The following ASXL2 variants were observed in gnomAD, a reference collection of about 807,000 sequenced individuals.
ASXL2 encodes putative Polycomb group protein ASXL2.
Under a neutral mutation model 122.0 loss-of-function variants are expected in ASXL2, and 23 were observed. The observed-to-expected ratio is 0.19, with a 90% CI of 0.14 to 0.27. The LOEUF (loss-of-function observed/expected upper bound fraction) is 0.27, where lower values mean the gene tolerates loss of function less well. Ranked by LOEUF, ASXL2 falls within the 10% of genes least tolerant of loss-of-function variation. The probability of loss-of-function intolerance (pLI) is 1.00; values close to 1 mark genes in which losing one functional copy is unlikely to be tolerated. For missense variants in ASXL2, 1,518 were observed against 1,713.8 expected, an observed-to-expected ratio of 0.89 and a Z score of 2.02; for synonymous variants, 650 against 637.0, an observed-to-expected ratio of 1.02 and a Z score of -0.31.
chr2:25,792,627 G>C (rs192388540), intron 5 of ASXL2, among the ~76,000 whole-genome samples: 47 of 151,776 alleles, frequency 3.1e-4, no homozygotes, highest in Admixed American at 9.8e-4. Context: ...TCTTGAAACA[G>C]TGTCTCACTT....
At chr2:25,781,670 C>CTTT (rs34167762) in intron 5 of ASXL2, among the ~76,000 whole-genome samples, 2,932 of 121,676 alleles carry the variant, frequency 0.024, 150 homozygotes, top group African/African-American at 0.076. Flanking sequence ...ACACACCTGG[C>CTTT]TTTTTTTTTT....
intron 5 of ASXL2, among the ~76,000 whole-genome samples, chr2:25,776,399 T>C (rs995729972): frequency 1.2e-4 from 18 of 152,240 alleles, no homozygotes; most frequent in African/African-American, 4.1e-4. Context: ...GTTTTGTCTA[T>C]AGATCAGCTG....
intron 2 of ASXL2, among the ~76,000 whole-genome samples, chr2:25,842,703 T>TAGAG (rs370955065): frequency 6.7e-6 from 1 of 150,174 alleles, no homozygotes; most frequent in Non-Finnish European, 1.5e-5. Context: ...TATATATATA[T>TAGAG]ATAGATAGAT....
intron 4 of ASXL2, among the ~76,000 whole-genome samples, chr2:25,804,455 A>AT (rs1355209276): frequency 6.6e-6 from 1 of 152,248 alleles, no homozygotes; most frequent in Non-Finnish European, 1.5e-5. Flanking sequence ...GAATAAAGTC[A>AT]GAGGCTCCTG....
chr2:25,781,542 T>A (rs915516013), intron 5 of ASXL2, among the ~76,000 whole-genome samples: 8 of 151,794 alleles, frequency 5.3e-5, no homozygotes, highest in Non-Finnish European at 1.2e-4. Flanking sequence ...TCTATTTATT[T>A]ACAATCTCAA....
At position 25,740,797 on chromosome 2, in the gene ASXL2, A is replaced by G. The variant is rs997160734; in HGVS notation, c.*1232T>C. The G allele has an allele frequency of 5.0e-6, 1 of 198,424 alleles. No homozygotes were observed. Among genetic ancestry groups the G allele is most frequent in the East Asian group, 7.9e-5 (1 of 12,616 alleles). The allele number at this position is 198,424 out of a possible 1,614,324, so 12.3% of individuals were successfully genotyped here. On this transcript the variant is annotated 3_prime_UTR_variant, in exon 13 of 13. Transcript: ENST00000435504. ...TCCAAACAAGGGCTATATTTTCTAAAACAGGAAAAATGTCTTGTATTGTGT... is the reference window on the plus strand; with the variant it reads ...TCCAAACAAGGGCTATATTTTCTAAGACAGGAAAAATGTCTTGTATTGTGT...
At chr2:25,768,457 C>T (rs2088390096) in intron 7 of ASXL2, among the ~76,000 whole-genome samples, 1 of 152,124 alleles carries the variant, frequency 6.6e-6, no homozygotes, top group African/African-American at 2.4e-5. Context: ...GTGTGCCCCA[C>T]CACACCCGGC....
chr2:25,810,843 T>A (rs763015001), intron 3 of ASXL2, among the ~76,000 whole-genome samples: 1 of 152,112 alleles, frequency 6.6e-6, no homozygotes, highest in South Asian at 2.1e-4. Flanking sequence ...GAATATCTCA[T>A]ACATCTGGGG....
intron 5 of ASXL2, among the ~76,000 whole-genome samples, chr2:25,795,617 A>G (rs1167187810): frequency 1.3e-5 from 2 of 152,164 alleles, no homozygotes; most frequent in Non-Finnish European, 1.5e-5. Context: ...ACTTTCTTTA[A>G]TATTGATTTC....
chr2:25,743,661 G>C lies in ASXL2; in HGVS notation c.2676C>G (p.Thr892=). ...VTPSPLTSLL[T]TATLEKLPVP... ...CAGGAAGCTTTTCTAAAGTGGCTGT[G>C]GTCAATAAAGATGTTAAAGGGGAGG... The change falls in exon 13 of 13, where the codon ACC becomes ACG. Residue 892 remains threonine (T), a synonymous_variant. Coordinates refer to ENST00000435504, the MANE Select transcript of ASXL2 (RefSeq NM_018263.6). 1 of 1,613,948 alleles carries C rather than the reference G, an allele frequency of 6.2e-7. No individual in the cohort carries two copies. The highest frequency in any genetic ancestry group is 2.2e-5 in the East Asian group (1 of 44,876).
chr2:25,767,688 T>G lies in ASXL2; in HGVS notation c.670A>C (p.Ser224Arg). The G allele has an allele frequency of 6.2e-7, 1 of 1,613,962 alleles. No individual in the cohort carries two copies. The highest frequency in any genetic ancestry group is 8.5e-7 in the Non-Finnish European group (1 of 1,179,860). ...AAGCTGGAGTTTGAGTTTTGAGGGC[T>G]GCCTGTCTGTCCATCAGATTGCTTT... Reference protein sequence around the residue: ...EGKQSDGQTGSPQNSNSSFSS... With the variant: ...EGKQSDGQTGRPQNSNSSFSS... The change falls in exon 8 of 13, where the codon AGC becomes CGC. Residue 224 changes from serine (S) to arginine (R), a missense_variant. Physicochemically the swap from Ser to Arg is moderately radical, Grantham distance 110. This residue lies in a region of ASXL2 where 198 missense variants were observed against 209.0 expected (regional missense o/e 0.95). Transcript: ENST00000435504.
intron 5 of ASXL2, among the ~76,000 whole-genome samples, chr2:25,779,523 A>G (rs1240374319): frequency 6.6e-6 from 1 of 152,198 alleles, no homozygotes; most frequent in Non-Finnish European, 1.5e-5. Context: ...AATTATTGAA[A>G]TTAAGACTAC....
At chr2:25,770,520 C>T (rs987052388) in intron 6 of ASXL2, among the ~76,000 whole-genome samples, 4 of 151,972 alleles carry the variant, frequency 2.6e-5, no homozygotes, top group African/African-American at 7.2e-5. Context: ...TTTGGAAGGT[C>T]GAGGCAGTTG....
intron 3 of ASXL2, among the ~76,000 whole-genome samples, chr2:25,812,527 T>C (rs192378089): frequency 3.3e-5 from 5 of 152,184 alleles, no homozygotes; most frequent in East Asian, 1.9e-4. Context: ...TATGGGCAAA[T>C]AGGCACTCTT....
intron 2 of ASXL2, 65 bp downstream of exon 2, chr2:25,845,416 T>C: frequency 7.5e-7 from 1 of 1,340,490 alleles, no homozygotes; most frequent in Non-Finnish European, 1.0e-6. Context: ...AAGTATACTA[T>C]TATATACTAC....
intron 3 of ASXL2, 87 bp downstream of exon 3, chr2:25,835,451 T>C: frequency 4.9e-6 from 1 of 204,284 alleles, no homozygotes; most frequent in African/African-American, 2.4e-5. Context: ...GTAAAACTCA[T>C]GCATCCAAAG....
intron 1 of ASXL2, 129 bp downstream of exon 1, chr2:25,878,037 C>A: frequency 2.6e-6 from 3 of 1,168,082 alleles, no homozygotes; most frequent in Non-Finnish European, 3.8e-6. Context: ...CACTAACCGC[C>A]GCCCTCTCCG....
intron 1 of ASXL2, 124 bp from the exon 2 acceptor site, chr2:25,845,687 T>C (rs1355142264): frequency 2.9e-6 from 1 of 341,690 alleles, no homozygotes; most frequent in East Asian, 5.6e-5. Flanking sequence ...TACTAATACA[T>C]ATGCAATTGT....
At chr2:25,838,023 T>C (rs1408887702) in intron 2 of ASXL2, among the ~76,000 whole-genome samples, 3 of 150,716 alleles carry the variant, frequency 2.0e-5, no homozygotes, top group East Asian at 3.9e-4. Flanking sequence ...CCCAGCTACT[T>C]AGGAAGTCAA....
Sources: allele counts gnomAD v4.1 joint callset (sites outside exome capture counted in the v4.1 genomes callset), GRCh38; gene constraint gnomAD v4.1.1; regional missense constraint gnomAD v4.1.1; transcripts MANE v1.5; gene names NCBI Gene and HGNC (gene_info 2026-07-23, HGNC 2026-07-21).